The following PRKCA variants were observed in gnomAD, a reference collection of about 807,000 sequenced individuals.
PRKCA encodes protein kinase C alpha type.
In PRKCA, 27 loss-of-function variants were observed where a neutral mutation model predicts 87.0. That is an observed-to-expected ratio of 0.31 (90% CI 0.23 to 0.43). The LOEUF (loss-of-function observed/expected upper bound fraction) is 0.43. PRKCA is among the 20% of genes least tolerant of loss of function. PRKCA has a pLI of 1.00. For synonymous variants in PRKCA, 329 were observed against 311.1 expected (o/e 1.06, Z -0.61); for missense variants, 518 against 852.3 (o/e 0.61, Z 4.88).
intron 3 of PRKCA, among the ~76,000 whole-genome samples, chr17:66,632,476 C>A (rs1169795072): frequency 1.3e-5 from 2 of 152,168 alleles, no homozygotes; most frequent in African/African-American, 2.4e-5. Context: ...ACCTCCTGGG[C>A]TCAAGCAGTC....
intron 8 of PRKCA, among the ~76,000 whole-genome samples, chr17:66,709,301 C>CTTTTTTT (rs552633887): frequency 3.1e-4 from 26 of 84,908 alleles, no homozygotes; most frequent in African/African-American, 7.8e-4. Context: ...GAGATGATTT[C>CTTTTTTT]TTTTTTTTTT....
intron 2 of PRKCA, among the ~76,000 whole-genome samples, chr17:66,370,228 C>CTTTTTTTTT (rs35851942): frequency 1.8e-5 from 2 of 112,242 alleles, no homozygotes; most frequent in African/African-American, 7.2e-5. Flanking sequence ...TATTTTGATA[C>CTTTTTTTTT]TTTTTTTTTT....
At chr17:66,643,337 T>TG (rs778593100) in intron 4 of PRKCA, among the ~76,000 whole-genome samples, 192 of 152,300 alleles carry the variant, frequency 1.3e-3, no homozygotes, top group Non-Finnish European at 2.2e-3. Context: ...TGAGGATTTT[T>TG]GGATGCTGTA....
At chr17:66,643,719 G>A (rs558296761) in intron 4 of PRKCA, among the ~76,000 whole-genome samples, 1 of 152,172 alleles carries the variant, frequency 6.6e-6, no homozygotes, top group Admixed American at 6.5e-5. Context: ...AGAGCAAGCC[G>A]ATGAGCACCA....
intron 8 of PRKCA, among the ~76,000 whole-genome samples, chr17:66,715,650 G>T (rs555111930): frequency 6.6e-6 from 1 of 152,138 alleles, no homozygotes; most frequent in Non-Finnish European, 1.5e-5. Flanking sequence ...CTGTAGTTCC[G>T]TTGGCACTCT....
Position 66,438,863 on chromosome 17 carries a change from A to G in PRKCA, c.206-57338A>G, listed in dbSNP as rs144795719. On this transcript the variant is annotated intron_variant, in intron 2 of 16. Coordinates refer to ENST00000413366, the MANE Select transcript of PRKCA (RefSeq NM_002737.3). ...AACAGGATGGGGGATACTGCCCCCC[A>G]TGATTCAATTATCTCTGCCTAGTCC... Among the ~76,000 whole-genome samples the G allele has an allele frequency of 4.0e-3, 615 of 152,286 alleles. 4 individuals carry two copies. Among genetic ancestry groups the G allele is most frequent in the African/African-American group, 0.014 (583 of 41,562 alleles).
intron 2 of PRKCA, among the ~76,000 whole-genome samples, chr17:66,421,696 C>A (rs1425497300): frequency 6.7e-6 from 1 of 148,488 alleles, no homozygotes; most frequent in Non-Finnish European, 1.5e-5. Context: ...CCAGGCCTGG[C>A]TAATTTTTTT....
intron 3 of PRKCA, among the ~76,000 whole-genome samples, chr17:66,633,308 T>G (rs1204640229): frequency 6.6e-6 from 1 of 151,730 alleles, no homozygotes. Flanking sequence ...TATCATAGGG[T>G]TAAAAAAAAA....
At chr17:66,436,888 A>T (rs1327283614) in intron 2 of PRKCA, among the ~76,000 whole-genome samples, 1 of 152,194 alleles carries the variant, frequency 6.6e-6, no homozygotes. Flanking sequence ...AATGAGAATT[A>T]AGTGAAAATT....
chr17:66,572,777 AC>A (rs1969118779), intron 3 of PRKCA, among the ~76,000 whole-genome samples: 1 of 152,098 alleles, frequency 6.6e-6, no homozygotes, highest in Non-Finnish European at 1.5e-5. Context: ...GTCATGAGCC[AC>A]CCCACCTGGC....
At chr17:66,372,614 A>T (rs965138463) in intron 2 of PRKCA, among the ~76,000 whole-genome samples, 18 of 152,312 alleles carry the variant, frequency 1.2e-4, no homozygotes, top group African/African-American at 4.3e-4. Flanking sequence ...TAAAAGCCAA[A>T]TCCCACATAA....
chr17:66,302,782 C>A lies in PRKCA; in HGVS notation c.-70C>A. 1 of 1,365,354 alleles carries A rather than the reference C, an allele frequency of 7.3e-7. No individual in the cohort carries two copies. Among genetic ancestry groups the A allele is most frequent in the Non-Finnish European group, 9.6e-7 (1 of 1,042,368 alleles). The allele number at this position is 1,365,354 out of a possible 1,614,324, so 84.6% of individuals were successfully genotyped here. A position where few individuals can be genotyped will look rare whatever the true frequency, so the allele number is the denominator to read the frequency against. ...GCCCCGAGCCCGCACCTCTCCCCCG[C>A]CGCCCCCGCCCACCCGGCCCTCCGC... On this transcript the variant is annotated 5_prime_UTR_variant, in exon 1 of 17. Transcript: ENST00000413366.
chr17:66,643,979 C>T (rs7225067), intron 4 of PRKCA, among the ~76,000 whole-genome samples: 63,553 of 152,080 alleles, frequency 0.42, 14,250 homozygotes, highest in African/African-American at 0.6. Flanking sequence ...TTTCACCTCC[C>T]GTCCCCTCCC....
chr17:66,737,755 A>C lies in PRKCA; in HGVS notation c.1231-1009A>C, dbSNP rs181450655. ...CTCTGAATCAAGTCACGCCAGGGAG[A>C]GATGAGAGCAGCATGCTCGGAAGAG... On this transcript the variant is annotated intron_variant, in intron 10 of 16. Transcript: ENST00000413366. Among the ~76,000 whole-genome samples, 672 of 152,300 alleles carry C rather than the reference A, an allele frequency of 4.4e-3. 6 individuals carry two copies. The highest frequency in any genetic ancestry group is 0.015 in the African/African-American group (620 of 41,568).
At chr17:66,628,501 TTC>T (rs1970920503) in intron 3 of PRKCA, among the ~76,000 whole-genome samples, 1 of 152,188 alleles carries the variant, frequency 6.6e-6, no homozygotes, top group Non-Finnish European at 1.5e-5. Context: ...CTCTCTTTTT[TTC>T]TCTCTCATCT....
intron 2 of PRKCA, chr17:66,339,825 G>A (rs1906930702): frequency 1.3e-5 from 2 of 152,192 alleles, no homozygotes; most frequent in Admixed American, 6.5e-5. Context: ...GCCTCTGAAG[G>A]CCACCAAAAA....
intron 2 of PRKCA, among the ~76,000 whole-genome samples, chr17:66,494,799 A>G (rs1456119938): frequency 2.0e-5 from 3 of 152,122 alleles, no homozygotes; most frequent in Non-Finnish European, 4.4e-5. Flanking sequence ...TCTTATTACC[A>G]TCAATACAAA....
At chr17:66,659,852 T>A (rs895265329) in intron 5 of PRKCA, among the ~76,000 whole-genome samples, 1 of 152,190 alleles carries the variant, frequency 6.6e-6, no homozygotes, top group African/African-American at 2.4e-5. Context: ...AACTGAGGCG[T>A]TTATTGCCAA....
In PRKCA at chr17:66,512,985, A is replaced by G. The variant is rs567189802; in HGVS notation, c.288+16702A>G. Among the ~76,000 whole-genome samples, 4 of 152,266 alleles carry G rather than the reference A, an allele frequency of 2.6e-5. No individual in the cohort carries two copies. The East Asian group carries it at 7.7e-4, about 29-fold the overall frequency. ...TGGGATTGCAGGCGTGAGCCGCCGC[A>G]CCTGGTCCCCCTCATTATTTTCTAT... On this transcript the variant is annotated intron_variant, in intron 3 of 16. Transcript: ENST00000413366.
Sources: gnomAD v4.1 joint callset for allele counts (sites outside exome capture counted in the v4.1 genomes callset) on GRCh38, gnomAD v4.1.1 for gene constraint, MANE v1.5 for transcripts, NCBI Gene and HGNC (gene_info 2026-07-23, HGNC 2026-07-21) for gene names.